The following CYB5RL variants were observed in gnomAD, a reference collection of about 807,000 sequenced individuals.
CYB5RL encodes the protein cytochrome b5 reductase like.
CYB5RL carries 38 observed loss-of-function variants against 37.5 expected under a neutral mutation model. The observed-to-expected ratio is 1.01, with a 90% CI of 0.78 to 1.33. The LOEUF (loss-of-function observed/expected upper bound fraction) is 1.33, where lower values mean the gene tolerates loss of function less well. Among genes scored for constraint, CYB5RL ranks in the 40% most tolerant of loss-of-function variants. CYB5RL has a pLI of 0.00. For missense variants in CYB5RL, 388 were observed against 394.4 expected (o/e 0.98, Z 0.14); for synonymous variants, 141 against 151.9 (o/e 0.93, Z 0.53).
chr1:54,178,538 G>A (rs1660078079), intron 7 of CYB5RL, among the ~76,000 whole-genome samples: 1 of 152,194 alleles, frequency 6.6e-6, no homozygotes, highest in Non-Finnish European at 1.5e-5. Context: ...GGGATGTGGA[G>A]TCAGAGGGAG....
intron 5 of CYB5RL, among the ~76,000 whole-genome samples, 169 bp downstream of exon 5, chr1:54,187,483 C>T (rs946715658): frequency 5.3e-5 from 8 of 152,198 alleles, no homozygotes; most frequent in African/African-American, 1.9e-4. Context: ...ATCCTGCTCC[C>T]TTGGCACTCC....
intron 1 of CYB5RL, among the ~76,000 whole-genome samples, chr1:54,198,199 C>T (rs561499449): frequency 6.6e-6 from 1 of 152,188 alleles, no homozygotes; most frequent in South Asian, 2.1e-4. Context: ...GTCATTGTTC[C>T]TACCTTCACA....
rs115921829 is a variant in CYB5RL, at chr1:54,193,287, C to T, written c.198+2132G>A. ...AGTGAGAAAGACAGAGGCCCCTTCT[C>T]TTCCAGAACTGATATTTTGGCAAGA... On this transcript the variant is annotated intron_variant, in intron 3 of 7. Transcript: ENST00000534324. 9.6e-3 allele frequency among the ~76,000 whole-genome samples: 1,458 copies of T among 152,320 alleles called. 17 individuals are homozygous for T. Among genetic ancestry groups the T allele is most frequent in the African/African-American group, 0.033 (1,377 of 41,560 alleles).
At chr1:54,179,052 C>T (rs1660090098) in intron 7 of CYB5RL, 97 bp downstream of exon 7, 1 of 1,383,916 alleles carries the variant, frequency 7.2e-7, no homozygotes, top group Non-Finnish European at 1.0e-6. Flanking sequence ...ATGACCACAG[C>T]ATCCATTGCC....
chr1:54,198,846 G>GATGGT (rs1180812055), intron 1 of CYB5RL, among the ~76,000 whole-genome samples: 3 of 151,878 alleles, frequency 2.0e-5, no homozygotes, highest in Non-Finnish European at 4.4e-5. Flanking sequence ...TGTTGCCCAG[G>GATGGT]CTGATCTCAA....
rs1240112454 is a variant in CYB5RL at position 54,170,023 on chromosome 1, T to C, written c.*4596A>G. 3.3e-5 allele frequency: 5 copies of C among 152,268 alleles called. No homozygotes were observed. In the East Asian group the frequency reaches 9.6e-4, roughly 29 times the overall value. 9.4% of individuals were successfully genotyped at this position (152,268 alleles called of 1,614,324 possible). A position where few individuals can be genotyped will look rare whatever the true frequency, so the allele number is the denominator to read the frequency against. On this transcript the variant is annotated 3_prime_UTR_variant, in exon 8 of 8. Transcript: ENST00000534324. ...GTTTTTAGGACTTCGTCTATATTGGTACATGCGGATGGAGTTCACTTTAAT... is the reference window on the plus strand; with the variant it reads ...GTTTTTAGGACTTCGTCTATATTGGCACATGCGGATGGAGTTCACTTTAAT...
intron 3 of CYB5RL, among the ~76,000 whole-genome samples, chr1:54,192,060 G>A (rs1418956744): frequency 1.3e-5 from 2 of 151,966 alleles, no homozygotes; most frequent in Non-Finnish European, 1.5e-5. Context: ...TAAAATATAA[G>A]TTACCATGGA....
rs985626749 is a variant in CYB5RL, at chr1:54,171,505, G to C, written c.*3114C>G. The C allele has an allele frequency of 8.9e-6, 4 of 446,972 alleles. No homozygotes were observed. Among genetic ancestry groups the C allele is most frequent in the African/African-American group, 8.0e-5 (4 of 49,894 alleles). 27.7% of individuals were successfully genotyped at this position (446,972 alleles called of 1,614,324 possible). ...CACAGAAGTGACGTTGGTAAACATGGTGAGGGCTGAACTAAAGCCAATGCC... is the reference window on the plus strand; with the variant it reads ...CACAGAAGTGACGTTGGTAAACATGCTGAGGGCTGAACTAAAGCCAATGCC... On this transcript the variant is annotated 3_prime_UTR_variant, in exon 8 of 8. Transcript: ENST00000534324.
Position 54,180,414 on chromosome 1 carries a change from C to T in CYB5RL, c.541-1062G>A, listed in dbSNP as rs867275532. On this transcript the variant is annotated intron_variant, in intron 6 of 7. Coordinates refer to ENST00000534324, the MANE Select transcript of CYB5RL (RefSeq NM_001031672.4). Reference sequence around the variant, plus strand: ...AGGTCAGGAGATCGAGCCATCCTGGCTAACACGGTGAAACCCCATCTCTAC... The same window carrying T: ...AGGTCAGGAGATCGAGCCATCCTGGTTAACACGGTGAAACCCCATCTCTAC... Among the ~76,000 whole-genome samples the T allele has an allele frequency of 3.7e-4, 56 of 151,724 alleles. No homozygotes were observed. The Middle Eastern group carries it at 0.014, about 37-fold the overall frequency.
intron 4 of CYB5RL, among the ~76,000 whole-genome samples, chr1:54,188,456 G>T (rs4244643): frequency 0.63 from 95,718 of 152,048 alleles, 31,307 homozygotes; most frequent in Non-Finnish European, 0.73. Flanking sequence ...GCACCTGACA[G>T]AAGCATTAGG....
At chr1:54,198,615 G>A (rs1032208720) in intron 1 of CYB5RL, among the ~76,000 whole-genome samples, 4 of 143,178 alleles carry the variant, frequency 2.8e-5, no homozygotes, top group African/African-American at 7.8e-5. Context: ...ATAGGCGTGA[G>A]CCACCATGCC....
chr1:54,186,634 C>T (rs979996816), intron 5 of CYB5RL, among the ~76,000 whole-genome samples: 8 of 152,144 alleles, frequency 5.3e-5, no homozygotes, highest in African/African-American at 9.7e-5. Context: ...AAACACACCC[C>T]GACAAGCAGC....
At chr1:54,197,317 C>CTTTTTT (rs766084507) in intron 1 of CYB5RL, among the ~76,000 whole-genome samples, 3 of 124,084 alleles carry the variant, frequency 2.4e-5, no homozygotes, top group Non-Finnish European at 4.8e-5. Flanking sequence ...CTTTTCTTTT[C>CTTTTTT]TTTTTTTTTT....
At chr1:54,199,431 T>G (rs148571620) in intron 1 of CYB5RL, among the ~76,000 whole-genome samples, 2 of 152,198 alleles carry the variant, frequency 1.3e-5, no homozygotes. Flanking sequence ...ATAGGAAGTG[T>G]GTGTATCGCA....
In CYB5RL at chr1:54,171,241, G is replaced by A; in HGVS notation, c.*3378C>T. 1 of 456,190 alleles carries A rather than the reference G, an allele frequency of 2.2e-6. No homozygotes were observed. The highest frequency in any genetic ancestry group is 7.0e-5 in the East Asian group (1 of 14,380). The allele number at this position is 456,190 out of a possible 1,614,324, so 28.3% of individuals were successfully genotyped here. A position where few individuals can be genotyped will look rare whatever the true frequency, so the allele number is the denominator to read the frequency against. ...AGGCAGAGGAAGCAGCGAGTGTAAG[G>A]GATGAGCTGACGCAAGAGAACATGT... On this transcript the variant is annotated 3_prime_UTR_variant, in exon 8 of 8. Transcript: ENST00000534324.
chr1:54,187,380 G>A (rs547087326), intron 5 of CYB5RL, among the ~76,000 whole-genome samples: 15 of 152,214 alleles, frequency 9.9e-5, no homozygotes, highest in African/African-American at 3.1e-4. Flanking sequence ...CAAATGCCCC[G>A]GTTCTGCCCA....
At chr1:54,180,160 C>T (rs954628394) in intron 6 of CYB5RL, 7 of 417,300 alleles carry the variant, frequency 1.7e-5, no homozygotes, top group African/African-American at 1.5e-4. Context: ...TTGCTTGAGC[C>T]TGGGAGGCAG....
chr1:54,198,854 C>G (rs1458161889), intron 1 of CYB5RL, among the ~76,000 whole-genome samples: 1 of 151,972 alleles, frequency 6.6e-6, no homozygotes, highest in Non-Finnish European at 1.5e-5. Flanking sequence ...AGGCTGATCT[C>G]AAACTCCTGG....
chr1:54,193,633 G>A (rs1643976756), intron 3 of CYB5RL, among the ~76,000 whole-genome samples: 1 of 152,070 alleles, frequency 6.6e-6, no homozygotes, highest in African/African-American at 2.4e-5. Context: ...CCAGGAGTTT[G>A]AGCCCAGCCT....
Sources: gnomAD v4.1 joint callset for allele counts (sites outside exome capture counted in the v4.1 genomes callset) on GRCh38, gnomAD v4.1.1 for gene constraint, MANE v1.5 for transcripts, NCBI Gene and HGNC (gene_info 2026-07-23, HGNC 2026-07-21) for gene names.